Variants in EPHA5 observed in about 807,000 individuals in gnomAD.
The protein encoded by EPHA5 is EPH receptor A5.
Under a neutral mutation model 105.0 loss-of-function variants are expected in EPHA5, and 60 were observed. That is an observed-to-expected ratio of 0.57 (90% CI 0.46 to 0.71). EPHA5 has a LOEUF of 0.71. EPHA5 is among the 30% of genes least tolerant of loss of function. EPHA5 has a pLI of 0.00. For missense variants in EPHA5, 1,218 were observed against 1,274.7 expected (o/e 0.96, Z 0.68); for synonymous variants, 513 against 449.1 (o/e 1.14, Z -1.80).
intron 3 of EPHA5, among the ~76,000 whole-genome samples, chr4:65,551,280 GTATATATA>G (rs35570226): frequency 2.2e-4 from 31 of 140,848 alleles, no homozygotes; most frequent in African/African-American, 4.3e-4. Flanking sequence ...GTGTGTGTGT[GTATATATA>G]TATATATATA....
rs2148860279 is a variant in EPHA5, at chr4:65,353,037, C to A, written c.2235+5G>T. On this transcript the variant is annotated splice_donor_5th_base_variant and intron_variant, in intron 12 of 16. Transcript: ENST00000613740. ...TTGAATAACTAAATTATTCCCCAATCCTACCTTCAAAAATGTATCTAAAGA... is the reference window on the plus strand; with the variant it reads ...TTGAATAACTAAATTATTCCCCAATACTACCTTCAAAAATGTATCTAAAGA... 1 of 1,531,172 alleles carries A rather than the reference C, an allele frequency of 6.5e-7. No individual in the cohort carries two copies. The highest frequency in any genetic ancestry group is 8.8e-7 in the Non-Finnish European group (1 of 1,132,732). 94.8% of individuals were successfully genotyped at this position (1,531,172 alleles called of 1,614,324 possible).
intron 8 of EPHA5, among the ~76,000 whole-genome samples, chr4:65,396,758 G>T (rs1020203321): frequency 6.6e-6 from 1 of 152,144 alleles, no homozygotes; most frequent in Admixed American, 6.5e-5. Context: ...TCTAACTCCT[G>T]ATTCAGTTGA....
intron 1 of EPHA5, among the ~76,000 whole-genome samples, chr4:65,643,765 C>T (rs1347579045): frequency 6.6e-6 from 1 of 151,668 alleles, no homozygotes; most frequent in Non-Finnish European, 1.5e-5. Flanking sequence ...TTCATGTGGC[C>T]TTGTACAAAG....
chr4:65,642,713 C>T (rs773047799), intron 2 of EPHA5, among the ~76,000 whole-genome samples: 1 of 151,734 alleles, frequency 6.6e-6, no homozygotes, highest in Non-Finnish European at 1.5e-5. Flanking sequence ...GAAAATTTTG[C>T]CTCTTTAGGT....
At chr4:65,628,810 T>C (rs1255534689) in intron 2 of EPHA5, among the ~76,000 whole-genome samples, 1 of 152,188 alleles carries the variant, frequency 6.6e-6, no homozygotes, top group East Asian at 1.9e-4. Context: ...GTGTGATTCA[T>C]TGGCTTATCG....
intron 14 of EPHA5, among the ~76,000 whole-genome samples, chr4:65,342,065 T>C (rs1162177560): frequency 2.0e-5 from 3 of 152,124 alleles, no homozygotes; most frequent in Admixed American, 6.6e-5. Flanking sequence ...AAAGAGATCT[T>C]AGAAATCTTC....
intron 8 of EPHA5, among the ~76,000 whole-genome samples, chr4:65,372,706 T>C (rs1718604596): frequency 6.6e-6 from 1 of 151,866 alleles, no homozygotes. Flanking sequence ...TCACATTTGA[T>C]CAAGGGTGCT....
chr4:65,355,453 C>G (rs1723209006), intron 11 of EPHA5, among the ~76,000 whole-genome samples: 1 of 151,588 alleles, frequency 6.6e-6, no homozygotes, highest in African/African-American at 2.4e-5. Flanking sequence ...TTGTCAGACT[C>G]TTTTTAAAGG....
chr4:65,329,084 G>A (rs1024485155), intron 16 of EPHA5, among the ~76,000 whole-genome samples: 2 of 151,256 alleles, frequency 1.3e-5, no homozygotes, highest in African/African-American at 4.8e-5. Flanking sequence ...AAAAGTAGCT[G>A]TGATTCTGTC....
intron 8 of EPHA5, among the ~76,000 whole-genome samples, chr4:65,389,255 T>G (rs948008849): frequency 5.3e-5 from 8 of 152,070 alleles, no homozygotes; most frequent in Non-Finnish European, 1.2e-4. Context: ...AGCATTGTGG[T>G]GCTGGCATAT....
At chr4:65,392,148 T>C (rs1050243743) in intron 8 of EPHA5, among the ~76,000 whole-genome samples, 1 of 152,118 alleles carries the variant, frequency 6.6e-6, no homozygotes, top group Non-Finnish European at 1.5e-5. Context: ...CTAATCCCCA[T>C]TTGTCAGTTA....
intron 8 of EPHA5, among the ~76,000 whole-genome samples, chr4:65,371,492 CA>C (rs1318854108): frequency 2.6e-5 from 4 of 151,876 alleles, no homozygotes; most frequent in African/African-American, 4.8e-5. Flanking sequence ...GTTATAATAA[CA>C]AATTTGGATA....
At chr4:65,480,603 C>T (rs945737681) in intron 5 of EPHA5, among the ~76,000 whole-genome samples, 2 of 152,076 alleles carry the variant, frequency 1.3e-5, no homozygotes, top group Non-Finnish European at 2.9e-5. Flanking sequence ...AGTTTGAGAT[C>T]CAGAAACGGC....
chr4:65,422,112 C>T (rs1446119415), intron 5 of EPHA5, among the ~76,000 whole-genome samples: 1 of 152,038 alleles, frequency 6.6e-6, no homozygotes, highest in East Asian at 1.9e-4. Flanking sequence ...TTAACAAACG[C>T]CAGTGTTTTC....
chr4:65,415,545 G>T (rs996260729), intron 6 of EPHA5, among the ~76,000 whole-genome samples: 6 of 151,848 alleles, frequency 4.0e-5, no homozygotes, highest in Admixed American at 1.3e-4. Flanking sequence ...TTATCTTAGA[G>T]TTAAGTAGGT....
chr4:65,432,455 C>G (rs985971067), intron 5 of EPHA5, among the ~76,000 whole-genome samples: 1 of 152,176 alleles, frequency 6.6e-6, no homozygotes, highest in Non-Finnish European at 1.5e-5. Context: ...TTAATGGAAA[C>G]AAGTCAGAAT....
chr4:65,582,254 C>A (rs6849075), intron 3 of EPHA5, among the ~76,000 whole-genome samples: 37,809 of 151,284 alleles, frequency 0.25, 5,269 homozygotes, highest in East Asian at 0.47. Context: ...ATTTTCAAGA[C>A]GCCACAATTC....
chr4:65,497,429 T>C (rs1310277744), intron 3 of EPHA5, among the ~76,000 whole-genome samples: 1 of 152,120 alleles, frequency 6.6e-6, no homozygotes, highest in African/African-American at 2.4e-5. Flanking sequence ...ATTTGAAAGA[T>C]AAAAAGAGCT....
chr4:65,409,516 C>A (rs560886299), intron 7 of EPHA5, among the ~76,000 whole-genome samples: 2 of 152,180 alleles, frequency 1.3e-5, no homozygotes, highest in African/African-American at 4.8e-5. Context: ...CACTTTGCTT[C>A]CCACACTCCT....
Sources: allele counts gnomAD v4.1 joint callset (sites outside exome capture counted in the v4.1 genomes callset), GRCh38; gene constraint gnomAD v4.1.1; transcripts MANE v1.5; gene names NCBI Gene and HGNC (gene_info 2026-07-23, HGNC 2026-07-21).